The following PPP2R5E variants were observed in gnomAD, a reference collection of about 807,000 sequenced individuals.
PPP2R5E encodes the protein protein phosphatase 2 regulatory subunit B'epsilon, also known as serine/threonine-protein phosphatase 2A 56 kDa regulatory subunit epsilon isoform.
PPP2R5E carries 4 observed loss-of-function variants against 65.3 expected under a neutral mutation model. The ratio of observed to expected loss-of-function variants is 0.06; its 90% CI spans 0.03 to 0.14. The LOEUF (loss-of-function observed/expected upper bound fraction) is 0.14, where lower values mean the gene tolerates loss of function less well. Among genes scored for constraint, PPP2R5E ranks in the 10% least tolerant of loss-of-function variants. The probability of loss-of-function intolerance (pLI) is 1.00; values close to 1 mark genes in which losing one functional copy is unlikely to be tolerated. For missense variants in PPP2R5E, 274 were observed against 556.1 expected, an observed-to-expected ratio of 0.49 and a Z score of 5.10; for synonymous variants, 183 against 187.4, an observed-to-expected ratio of 0.98 and a Z score of 0.19.
intron 2 of PPP2R5E, among the ~76,000 whole-genome samples, chr14:63,458,083 T>C (rs1889233229): frequency 6.6e-6 from 1 of 152,214 alleles, no homozygotes; most frequent in African/African-American, 2.4e-5. Flanking sequence ...TACATCTGAA[T>C]ATTTTTTAAA....
chr14:63,503,121 T>C (rs1891977333), intron 2 of PPP2R5E, among the ~76,000 whole-genome samples: 1 of 151,974 alleles, frequency 6.6e-6, no homozygotes, highest in African/African-American at 2.4e-5. Context: ...AAAAATTACA[T>C]ACTATAAGAG....
Position 63,395,117 on chromosome 14 carries a change from C to T in PPP2R5E, c.740+109G>A. 4.7e-6 allele frequency: 4 copies of T among 855,036 alleles called. 1 individual carries two copies. The South Asian group carries it at 6.3e-5, about 13-fold the overall frequency. 53.0% of individuals were successfully genotyped at this position (855,036 alleles called of 1,614,324 possible). ...GCTAATAGGCACAAATGAGAGAGAC[C>T]CAATGTACATACAGCAAGAGAACTA... On this transcript the variant is annotated intron_variant, in intron 7 of 13. Coordinates refer to ENST00000337537, the MANE Select transcript of PPP2R5E (RefSeq NM_006246.5).
At chr14:63,493,530 A>C (rs1486794324) in intron 2 of PPP2R5E, among the ~76,000 whole-genome samples, 1 of 151,940 alleles carries the variant, frequency 6.6e-6, no homozygotes, top group African/African-American at 2.4e-5. Context: ...GGGGAGCAAA[A>C]GAACCCCTAG....
chr14:63,537,632 T>G (rs138447600), intron 2 of PPP2R5E, among the ~76,000 whole-genome samples: 1 of 152,334 alleles, frequency 6.6e-6, no homozygotes, highest in African/African-American at 2.4e-5. Context: ...GCTTGAAATA[T>G]CCTAAGCTAA....
At chr14:63,495,816 A>G (rs1394433237) in intron 2 of PPP2R5E, among the ~76,000 whole-genome samples, 2 of 151,840 alleles carry the variant, frequency 1.3e-5, no homozygotes, top group East Asian at 1.9e-4. Flanking sequence ...TCAGCCTCCC[A>G]AGTAACTGAG....
Position 63,404,994 on chromosome 14 carries a change from C to T in PPP2R5E, c.550-8278G>A, listed in dbSNP as rs542865217. 2.0e-5 allele frequency among the ~76,000 whole-genome samples: 3 copies of T among 152,328 alleles called. No individual in the cohort carries two copies. In the South Asian group the frequency reaches 6.2e-4, roughly 32 times the overall value. On this transcript the variant is annotated intron_variant, in intron 5 of 13. Transcript: ENST00000337537. ...TCAAAAAGTATTAAGAGTTTCAAGACAGCAAGAGCAGAGCACTAAACCAAG... is the reference window on the plus strand; with the variant it reads ...TCAAAAAGTATTAAGAGTTTCAAGATAGCAAGAGCAGAGCACTAAACCAAG...
chr14:63,535,428 A>G (rs1893629839), intron 2 of PPP2R5E, among the ~76,000 whole-genome samples: 1 of 152,152 alleles, frequency 6.6e-6, no homozygotes, highest in Non-Finnish European at 1.5e-5. Context: ...TCTCAAAAAA[A>G]AAAGAAATAG....
Position 63,486,128 on chromosome 14 carries a change from C to T in PPP2R5E, c.158-32243G>A, listed in dbSNP as rs946814475. ...TATAGGCATGAGCCACTGCACTGGC[C>T]GACAACAAACGTTTTTGATGGCGAA... On this transcript the variant is annotated intron_variant, in intron 2 of 13. Transcript: ENST00000337537. Among the ~76,000 whole-genome samples, 4 of 151,962 alleles carry T rather than the reference C, an allele frequency of 2.6e-5. 1 individual carries two copies. Among genetic ancestry groups the T allele is most frequent in the Admixed American group, 2.0e-4 (3 of 15,236 alleles).
chr14:63,507,018 A>G (rs1892217160), intron 2 of PPP2R5E, among the ~76,000 whole-genome samples: 1 of 152,228 alleles, frequency 6.6e-6, no homozygotes. Flanking sequence ...TCTGGCCTCA[A>G]GTGATCCCCT....
At chr14:63,411,682 A>C (rs965446500) in intron 5 of PPP2R5E, among the ~76,000 whole-genome samples, 1 of 150,000 alleles carries the variant, frequency 6.7e-6, no homozygotes, top group African/African-American at 2.5e-5. Context: ...AAAAAAAAAA[A>C]AGCCTGACAC....
rs1566654874 is a variant in PPP2R5E, at chr14:63,372,300, A to C, written c.*3709T>G. On this transcript the variant is annotated 3_prime_UTR_variant, in exon 14 of 14. Transcript: ENST00000337537. ...ATCCTTCTTTTAGGTTTTCAAAATTAAATATAGAGGAATATAAAATGCAAT... is the reference window on the plus strand; with the variant it reads ...ATCCTTCTTTTAGGTTTTCAAAATTCAATATAGAGGAATATAAAATGCAAT... The C allele has an allele frequency of 6.6e-6, 1 of 152,202 alleles. No individual in the cohort carries two copies. Among genetic ancestry groups the C allele is most frequent in the Non-Finnish European group, 1.5e-5 (1 of 68,034 alleles). 9.4% of individuals were successfully genotyped at this position (152,202 alleles called of 1,614,324 possible).
intron 2 of PPP2R5E, among the ~76,000 whole-genome samples, chr14:63,519,536 T>G (rs1594964515): frequency 6.8e-6 from 1 of 147,530 alleles, no homozygotes; most frequent in Non-Finnish European, 1.5e-5. Context: ...GTATTTTTAG[T>G]GGAGACAGGG....
intron 3 of PPP2R5E, among the ~76,000 whole-genome samples, chr14:63,441,852 G>A (rs954957927): frequency 9.3e-5 from 14 of 150,880 alleles, no homozygotes; most frequent in African/African-American, 3.4e-4. Context: ...GGAGCTTGCC[G>A]TGAGCCAAGA....
chr14:63,518,055 G>C (rs1892736356), intron 2 of PPP2R5E, among the ~76,000 whole-genome samples: 1 of 152,150 alleles, frequency 6.6e-6, no homozygotes, highest in Admixed American at 6.6e-5. Context: ...ATATAGCTGA[G>C]CCTACAGATA....
chr14:63,455,097 A>G (rs1002813178), intron 2 of PPP2R5E, among the ~76,000 whole-genome samples: 2 of 152,152 alleles, frequency 1.3e-5, no homozygotes. Context: ...ATGCTTTACA[A>G]TGGCCTCCTG....
chr14:63,480,705 C>G (rs941765761), intron 2 of PPP2R5E, among the ~76,000 whole-genome samples: 1 of 152,170 alleles, frequency 6.6e-6, no homozygotes, highest in Non-Finnish European at 1.5e-5. Flanking sequence ...CTCAGCCTCT[C>G]AAAGTGCCGG....
chr14:63,380,153 A>T (rs1884257505), intron 13 of PPP2R5E, among the ~76,000 whole-genome samples: 1 of 151,950 alleles, frequency 6.6e-6, no homozygotes, highest in Non-Finnish European at 1.5e-5. Flanking sequence ...AATATTCTTG[A>T]TGAGATTCTA....
chr14:63,481,364 C>T lies in PPP2R5E; in HGVS notation c.158-27479G>A, dbSNP rs568520241. On this transcript the variant is annotated intron_variant, in intron 2 of 13. Coordinates refer to ENST00000337537, the MANE Select transcript of PPP2R5E (RefSeq NM_006246.5). ...TTTAAAAATTAGCTGGGCGTGGTAG[C>T]GTGCACCTGTAATCCCAGCTACTAG... is the stretch of plus-strand genomic sequence containing the variant. 3.9e-5 allele frequency among the ~76,000 whole-genome samples: 6 copies of T among 151,950 alleles called. No individual in the cohort carries two copies. In the South Asian group the frequency reaches 8.3e-4, roughly 21 times the overall value.
intron 2 of PPP2R5E, among the ~76,000 whole-genome samples, chr14:63,498,503 T>C (rs1409734926): frequency 1.3e-5 from 2 of 152,162 alleles, no homozygotes; most frequent in African/African-American, 4.8e-5. Context: ...TTCATTAATA[T>C]CACTAAAGAA....
Sources: allele counts gnomAD v4.1 joint callset (sites outside exome capture counted in the v4.1 genomes callset), GRCh38; gene constraint gnomAD v4.1.1; transcripts MANE v1.5; gene names NCBI Gene and HGNC (gene_info 2026-07-23, HGNC 2026-07-21).